The following PTPRR variants were observed in gnomAD, a reference collection of about 807,000 sequenced individuals.
The protein encoded by PTPRR is receptor-type tyrosine-protein phosphatase R.
A neutral mutation model predicts 77.2 loss-of-function variants in PTPRR; 38 were observed. The observed-to-expected ratio is 0.49, with a 90% CI of 0.38 to 0.65. PTPRR has a LOEUF of 0.65. Ranked by LOEUF, PTPRR falls within the 30% of genes least tolerant of loss-of-function variation. PTPRR has a pLI of 0.00. For synonymous variants in PTPRR, 299 were observed against 283.1 expected, an observed-to-expected ratio of 1.06 and a Z score of -0.57; for missense variants, 744 against 799.2, an observed-to-expected ratio of 0.93 and a Z score of 0.83.
chr12:70,868,750 C>T (rs1892906165), intron 2 of PTPRR, among the ~76,000 whole-genome samples: 1 of 152,016 alleles, frequency 6.6e-6, no homozygotes, highest in South Asian at 2.1e-4. Flanking sequence ...ATGTTGATTG[C>T]AGCACTATTC....
At chr12:70,769,852 G>A (rs1347251001) in intron 2 of PTPRR, among the ~76,000 whole-genome samples, 8 of 151,866 alleles carry the variant, frequency 5.3e-5, no homozygotes, top group Admixed American at 6.6e-5. Context: ...CAGAAATAAC[G>A]CCGCATATCT....
intron 2 of PTPRR, among the ~76,000 whole-genome samples, chr12:70,858,738 A>G (rs889929526): frequency 6.6e-6 from 1 of 152,022 alleles, no homozygotes; most frequent in South Asian, 2.1e-4. Flanking sequence ...CGAGTGTCCA[A>G]CTGCTTACCT....
intron 6 of PTPRR, among the ~76,000 whole-genome samples, chr12:70,720,704 G>A (rs1223034024): frequency 6.6e-6 from 1 of 151,912 alleles, no homozygotes; most frequent in East Asian, 1.9e-4. Flanking sequence ...GGCTGGTCTT[G>A]AACTGGTCTC....
chr12:70,910,980 G>A (rs1165239219), intron 1 of PTPRR, among the ~76,000 whole-genome samples: 1 of 152,166 alleles, frequency 6.6e-6, no homozygotes, highest in Non-Finnish European at 1.5e-5. Flanking sequence ...TCAAACTGAA[G>A]CTATAAATAA....
chr12:70,753,750 A>G (rs1338403861), intron 5 of PTPRR, among the ~76,000 whole-genome samples: 1 of 152,166 alleles, frequency 6.6e-6, no homozygotes, highest in Admixed American at 6.6e-5. Context: ...AAGTCCTTTT[A>G]AAAATAAGGA....
chr12:70,789,998 T>C (rs904230264), intron 2 of PTPRR, among the ~76,000 whole-genome samples: 25 of 152,150 alleles, frequency 1.6e-4, no homozygotes, highest in African/African-American at 5.3e-4. Context: ...ACATCAACAG[T>C]AAAAAGGATA....
chr12:70,715,057 C>T (rs1888971870), intron 6 of PTPRR, among the ~76,000 whole-genome samples: 2 of 152,020 alleles, frequency 1.3e-5, no homozygotes, highest in African/African-American at 4.8e-5. Context: ...ATTACGATAT[C>T]AGGGAACCTG....
chr12:70,721,616 T>A (rs1191221079), intron 6 of PTPRR, among the ~76,000 whole-genome samples: 1 of 152,222 alleles, frequency 6.6e-6, no homozygotes, highest in Non-Finnish European at 1.5e-5. Context: ...TTTCCCTGAC[T>A]GCTTAGAAAT....
intron 2 of PTPRR, among the ~76,000 whole-genome samples, chr12:70,891,868 C>T (rs1172218009): frequency 6.6e-6 from 1 of 152,022 alleles, no homozygotes. Flanking sequence ...ATCTTGGCCA[C>T]ACAAATCAAC....
At chr12:70,867,767 C>T (rs1026479577) in intron 2 of PTPRR, among the ~76,000 whole-genome samples, 5 of 152,130 alleles carry the variant, frequency 3.3e-5, no homozygotes, top group East Asian at 1.9e-4. Flanking sequence ...AGAGGCATCA[C>T]GCTACCTGAC....
chr12:70,914,662 T>C (rs1458588604), intron 1 of PTPRR, among the ~76,000 whole-genome samples: 2 of 152,142 alleles, frequency 1.3e-5, no homozygotes, highest in African/African-American at 4.8e-5. Flanking sequence ...TAGTTGTATA[T>C]AAGATTATTG....
intron 6 of PTPRR, among the ~76,000 whole-genome samples, chr12:70,724,812 TACAC>T (rs951839292): frequency 2.6e-5 from 4 of 151,642 alleles, no homozygotes; most frequent in African/African-American, 9.7e-5. Flanking sequence ...TATATATATA[TACAC>T]ACACACACAC....
intron 6 of PTPRR, among the ~76,000 whole-genome samples, chr12:70,736,951 C>T (rs528947448): frequency 6.6e-6 from 1 of 152,284 alleles, no homozygotes; most frequent in African/African-American, 2.4e-5. Flanking sequence ...GCTGTTGGTG[C>T]CCCACCCAGG....
rs189924969 is a variant in PTPRR, at chr12:70,703,039, T to C, written c.1008-1716A>G. Among the ~76,000 whole-genome samples, 5 of 152,132 alleles carry C rather than the reference T, an allele frequency of 3.3e-5. No individual in the cohort carries two copies. The East Asian group carries it at 9.6e-4, about 29-fold the overall frequency. ...ATTCCAACCTATTCTTTCCTTCCTT[T>C]TTTTTTTTCTACTGGATTTGTCAAA... On this transcript the variant is annotated intron_variant, in intron 6 of 13. Transcript: ENST00000283228.
intron 2 of PTPRR, among the ~76,000 whole-genome samples, chr12:70,855,868 A>T (rs1485489456): frequency 6.6e-6 from 1 of 152,132 alleles, no homozygotes; most frequent in African/African-American, 2.4e-5. Context: ...TGCCCTATTT[A>T]CACTGGGAAT....
intron 6 of PTPRR, among the ~76,000 whole-genome samples, chr12:70,712,800 T>C (rs976512219): frequency 2.0e-5 from 3 of 152,008 alleles, no homozygotes; most frequent in African/African-American, 7.2e-5. Flanking sequence ...CCAGAAGCAA[T>C]TCCCAACCAA....
At chr12:70,709,138 G>T (rs1888727928) in intron 6 of PTPRR, among the ~76,000 whole-genome samples, 1 of 152,032 alleles carries the variant, frequency 6.6e-6, no homozygotes, top group Admixed American at 6.6e-5. Flanking sequence ...GATCAAGTAG[G>T]CTTTATCCTG....
intron 2 of PTPRR, among the ~76,000 whole-genome samples, chr12:70,797,730 TTCTTC>T (rs1170881491): frequency 1.3e-5 from 2 of 152,168 alleles, no homozygotes; most frequent in African/African-American, 4.8e-5. Flanking sequence ...TCTTGAAACT[TTCTTC>T]TCTTAGCTTC....
rs140327483 is a variant in PTPRR, at chr12:70,790,402, C to A, written c.358-25624G>T. On this transcript the variant is annotated intron_variant, in intron 2 of 13. Transcript: ENST00000283228. ...CTGATACCCTTTCCTGCCTAGGCTT[C>A]CAGGGTGCCACACTTTCTTAGTTTT... Among the ~76,000 whole-genome samples, 347 of 152,240 alleles carry A rather than the reference C, an allele frequency of 2.3e-3. 12 individuals are homozygous for A. The East Asian group carries it at 0.053, about 23-fold the overall frequency.
Sources: gnomAD v4.1 joint callset for allele counts (sites outside exome capture counted in the v4.1 genomes callset) on GRCh38, gnomAD v4.1.1 for gene constraint, MANE v1.5 for transcripts, NCBI Gene and HGNC (gene_info 2026-07-23, HGNC 2026-07-21) for gene names.